The following PPIA variants were observed in gnomAD, a reference collection of about 807,000 sequenced individuals.
PPIA encodes the protein peptidyl-prolyl cis-trans isomerase A.
Under a neutral mutation model 15.3 loss-of-function variants are expected in PPIA, and 2 were observed. The ratio of observed to expected loss-of-function variants is 0.13; its 90% CI spans 0.05 to 0.41. PPIA has a LOEUF of 0.41. Among genes scored for constraint, PPIA ranks in the 10% least tolerant of loss-of-function variants. PPIA has a pLI of 0.99. For missense variants in PPIA, 103 were observed against 210.3 expected (o/e 0.49, Z 3.16); for synonymous variants, 67 against 73.1 (o/e 0.92, Z 0.43).
rs141838679 is a variant in PPIA, at chr7:44,802,061, G to A, written c.*639G>A. On this transcript the variant is annotated 3_prime_UTR_variant, in exon 5 of 5. Transcript: ENST00000468812. ...TCTTGTGTCTCAAAGGTAGGCAGAG[G>A]CAGGAAAAGCAAGGAGCCAGAATTA... The A allele has an allele frequency of 6.6e-6, 1 of 152,614 alleles. No homozygotes were observed. The highest frequency in any genetic ancestry group is 1.5e-5 in the Non-Finnish European group (1 of 68,346). The allele number at this position is 152,614 out of a possible 1,614,324, so 9.5% of individuals were successfully genotyped here. A position where few individuals can be genotyped will look rare whatever the true frequency, so the allele number is the denominator to read the frequency against.
At chr7:44,799,525 A>G (rs1282355235) in intron 3 of PPIA, 45 bp downstream of exon 3, 1 of 1,597,940 alleles carries the variant, frequency 6.3e-7, no homozygotes, top group South Asian at 1.1e-5. Context: ...TGCTCCCTTC[A>G]TTTGGGATTG....
Position 44,802,255 on chromosome 7 carries a change from T to C in PPIA, c.*833T>C, listed in dbSNP as rs905995511. On this transcript the variant is annotated 3_prime_UTR_variant, in exon 5 of 5. Coordinates refer to ENST00000468812, the MANE Select transcript of PPIA (RefSeq NM_021130.5). ...CCTCCGCCTCCTGGGTTCAAGTGATTCTAGTGCCTCAGCCTCCTGAGTAGC... is the reference window on the plus strand; with the variant it reads ...CCTCCGCCTCCTGGGTTCAAGTGATCCTAGTGCCTCAGCCTCCTGAGTAGC... 6.6e-6 allele frequency: 1 copy of C among 151,450 alleles called. No homozygotes were observed. Among genetic ancestry groups the C allele is most frequent in the Non-Finnish European group, 1.5e-5 (1 of 68,014 alleles). The allele number at this position is 151,450 out of a possible 1,614,324, so 9.4% of individuals were successfully genotyped here.
chr7:44,798,745 T>G, intron 1 of PPIA: 1 of 987,202 alleles, frequency 1.0e-6, no homozygotes, highest in Non-Finnish European at 1.2e-6. Flanking sequence ...ACCCCACTAC[T>G]AGGTAAGGGG....
chr7:44,797,947 G>A (rs753129024), intron 1 of PPIA: 1 of 152,190 alleles, frequency 6.6e-6, no homozygotes, highest in African/African-American at 2.4e-5. Flanking sequence ...TGGCACATAG[G>A]CACTGAAACA....
intron 1 of PPIA, among the ~76,000 whole-genome samples, chr7:44,797,298 G>T (rs1433460789): frequency 2.0e-5 from 3 of 152,226 alleles, no homozygotes; most frequent in Non-Finnish European, 4.4e-5. Context: ...GAGGCGCGGT[G>T]TGAGCCCGTC....
Position 44,801,519 on chromosome 7 carries a change from T to C in PPIA, c.*97T>C, listed in dbSNP as rs1381825535. ...TTTGCTCGCAGTATCCTAGAATCTT[T>C]GTGCTCTCGCTGCAGTTCCCTTTGG... is the stretch of plus-strand genomic sequence containing the variant. On this transcript the variant is annotated 3_prime_UTR_variant, in exon 5 of 5. Coordinates refer to ENST00000468812, the MANE Select transcript of PPIA (RefSeq NM_021130.5). The C allele has an allele frequency of 3.8e-6, 3 of 787,030 alleles. No individual in the cohort carries two copies. The highest frequency in any genetic ancestry group is 2.6e-5 in the East Asian group (1 of 37,910). 48.8% of individuals were successfully genotyped at this position (787,030 alleles called of 1,614,324 possible). A position where few individuals can be genotyped will look rare whatever the true frequency, so the allele number is the denominator to read the frequency against.
chr7:44,798,260 C>A (rs1792439829), intron 1 of PPIA: 1 of 152,170 alleles, frequency 6.6e-6, no homozygotes, highest in Admixed American at 6.6e-5. Context: ...TACCTAAAAA[C>A]TAAAAAATAA....
rs965965519 is a variant in PPIA at position 44,802,702 on chromosome 7, T to A, written c.*1280T>A. 9 of 152,138 alleles carry A rather than the reference T, an allele frequency of 5.9e-5. No individual in the cohort carries two copies. The highest frequency in any genetic ancestry group is 1.9e-4 in the African/African-American group (8 of 41,434). 9.4% of individuals were successfully genotyped at this position (152,138 alleles called of 1,614,324 possible). A position where few individuals can be genotyped will look rare whatever the true frequency, so the allele number is the denominator to read the frequency against. The stretch of plus-strand genomic sequence containing the variant: ...GCTTTGGTTATGGAGGCTTTGAGGT[T>A]TTGCAAACCTGACCAATTTAAGCCA... On this transcript the variant is annotated 3_prime_UTR_variant, in exon 5 of 5. Coordinates refer to ENST00000468812, the MANE Select transcript of PPIA (RefSeq NM_021130.5).
intron 4 of PPIA, among the ~76,000 whole-genome samples, chr7:44,800,875 T>C (rs1792533969): frequency 6.6e-6 from 1 of 152,176 alleles, no homozygotes; most frequent in African/African-American, 2.4e-5. Flanking sequence ...TGGAGTGCAG[T>C]GGCGCGATCT....
intron 3 of PPIA, 45 bp from the exon 4 acceptor site, chr7:44,799,657 C>A (rs1351002224): frequency 1.9e-6 from 3 of 1,611,544 alleles, no homozygotes; most frequent in Non-Finnish European, 2.5e-6. Context: ...TGGCACACTT[C>A]ATGGTTATGT....
intron 2 of PPIA, 23 bp from the exon 3 acceptor site, chr7:44,799,369 G>A (rs751576736): frequency 1.2e-6 from 2 of 1,606,556 alleles, no homozygotes; most frequent in Admixed American, 3.4e-5. Context: ...ATGTATATAT[G>A]TGTTTAATTT....
At chr7:44,799,519 C>G in intron 3 of PPIA, 39 bp downstream of exon 3, 1 of 1,601,108 alleles carries the variant, frequency 6.2e-7, no homozygotes, top group Non-Finnish European at 8.5e-7. Context: ...TTGGGTTGCT[C>G]CCTTCATTTG....
At chr7:44,800,827 C>G (rs1039301358) in intron 4 of PPIA, among the ~76,000 whole-genome samples, 1 of 151,704 alleles carries the variant, frequency 6.6e-6, no homozygotes, top group Non-Finnish European at 1.5e-5. Flanking sequence ...ATATGTGTAA[C>G]TCTTTTTTGA....
At chr7:44,800,711 G>A (rs1382259782) in intron 4 of PPIA, among the ~76,000 whole-genome samples, 1 of 151,786 alleles carries the variant, frequency 6.6e-6, no homozygotes, top group Non-Finnish European at 1.5e-5. Context: ...ATTAAGTGCT[G>A]CTTTTATGTT....
chr7:44,799,053 CT>C (rs1397686145), intron 1 of PPIA, 193 bp from the exon 2 acceptor site: 22 of 1,117,028 alleles, frequency 2.0e-5, no homozygotes, highest in Non-Finnish European at 2.5e-5. Context: ...TTTGGCATGT[CT>C]TTGGGTTTCA....
Position 44,796,720 on chromosome 7 carries a change from T to C in PPIA, c.-5T>C, listed in dbSNP as rs890805545. Reference sequence around the variant, plus strand: ...ACCGCCGAGGAAAACCGTGTACTATTAGCCATGGTCAACCCCACCGTGTTC... The same window carrying C: ...ACCGCCGAGGAAAACCGTGTACTATCAGCCATGGTCAACCCCACCGTGTTC... On this transcript the variant is annotated 5_prime_UTR_variant, in exon 1 of 5. Transcript: ENST00000468812. The C allele has an allele frequency of 1.2e-6, 2 of 1,610,482 alleles. No homozygotes were observed. Among genetic ancestry groups the C allele is most frequent in the African/African-American group, 2.7e-5 (2 of 74,482 alleles).
At chr7:44,797,026 G>T (rs1792390793) in intron 1 of PPIA, among the ~76,000 whole-genome samples, 1 of 152,114 alleles carries the variant, frequency 6.6e-6, no homozygotes, top group Non-Finnish European at 1.5e-5. Context: ...GGCCGTTGGG[G>T]GAGGGGGCCC....
Position 44,796,799 on chromosome 7 carries a change from G to A in PPIA, c.69+6G>A. On this transcript the variant is annotated splice_donor_region_variant and intron_variant, in intron 1 of 4. Coordinates refer to ENST00000468812, the MANE Select transcript of PPIA (RefSeq NM_021130.5). ...TGGGCCGCGTCTCCTTTGAGGTCGGGCGGGCGGCGGCGTGCGGGAATGGGG... is the reference window on the plus strand; with the variant it reads ...TGGGCCGCGTCTCCTTTGAGGTCGGACGGGCGGCGGCGTGCGGGAATGGGG... 2 of 1,603,144 alleles carry A rather than the reference G, an allele frequency of 1.2e-6. No individual in the cohort carries two copies. Among genetic ancestry groups the A allele is most frequent in the Non-Finnish European group, 1.7e-6 (2 of 1,175,588 alleles).
intron 4 of PPIA, 113 bp from the exon 5 acceptor site, chr7:44,801,174 A>G: frequency 8.2e-7 from 1 of 1,221,120 alleles, no homozygotes; most frequent in Non-Finnish European, 1.1e-6. Flanking sequence ...ATTTAGTACA[A>G]AAGGCTTCAG....
Sources: gnomAD v4.1 joint callset for allele counts (sites outside exome capture counted in the v4.1 genomes callset) on GRCh38, gnomAD v4.1.1 for gene constraint, MANE v1.5 for transcripts, NCBI Gene and HGNC (gene_info 2026-07-23, HGNC 2026-07-21) for gene names.